Variants in GPRC5B observed in about 807,000 individuals in gnomAD.
GPRC5B encodes G protein-coupled receptor class C group 5 member B, also known as G protein-coupled receptor family C group 5 member B.
A neutral mutation model predicts 30.1 loss-of-function variants in GPRC5B; 16 were observed. That is an observed-to-expected ratio of 0.53 (90% confidence interval 0.36 to 0.81). GPRC5B has a LOEUF of 0.81. GPRC5B is among the 30% of genes least tolerant of loss of function. GPRC5B has a pLI of 0.01. For synonymous variants in GPRC5B, 241 were observed against 239.5 expected, an observed-to-expected ratio of 1.01 and a Z score of -0.06; for missense variants, 428 against 544.7, an observed-to-expected ratio of 0.79 and a Z score of 2.13.
intron 1 of GPRC5B, among the ~76,000 whole-genome samples, chr16:19,875,389 A>T (rs1040361093): frequency 1.3e-5 from 2 of 152,250 alleles, no homozygotes; most frequent in African/African-American, 4.8e-5. Context: ...TGCTTTGTCC[A>T]CACACCACCT....
chr16:19,874,359 C>T (rs1238833766), intron 1 of GPRC5B, among the ~76,000 whole-genome samples: 3 of 152,190 alleles, frequency 2.0e-5, no homozygotes, highest in African/African-American at 7.2e-5. Context: ...TCAACTCAGA[C>T]TTGGCCAAGG....
chr16:19,872,782 C>T lies in GPRC5B; in HGVS notation c.64G>A (p.Val22Met), dbSNP rs147306255. The T allele has an allele frequency of 1.7e-5, 27 of 1,613,670 alleles. No homozygotes were observed. The highest frequency in any genetic ancestry group is 4.0e-5 in the African/African-American group (3 of 74,912). Residue 22 changes from valine to methionine, a missense_variant, in exon 2 of 4, where the codon GTG becomes ATG. Physicochemically the swap from Val to Met is conservative, Grantham distance 21. Coordinates refer to ENST00000300571, the MANE Select transcript of GPRC5B (RefSeq NM_016235.3). The surrounding 1 kb of genome is among the most constrained non-coding windows in gnomAD (Gnocchi z 5.0). Reference sequence around the variant, plus strand: ...TTTTCAGAGGCCACCGAGGTGATCACGAAGAGCAGGAGGAAGGTGAGCACC... The same window carrying T: ...TTTTCAGAGGCCACCGAGGTGATCATGAAGAGCAGGAGGAAGGTGAGCACC... ...HQVLTFLLLF[V>M]ITSVASENAS...
chr16:19,868,103 G>C (rs1057388314), intron 2 of GPRC5B, among the ~76,000 whole-genome samples: 3 of 151,410 alleles, frequency 2.0e-5, no homozygotes, highest in Non-Finnish European at 4.4e-5. Flanking sequence ...GGCTGGGTGC[G>C]GTGGCTCATG....
At chr16:19,875,140 C>T (rs2056751217) in intron 1 of GPRC5B, among the ~76,000 whole-genome samples, 1 of 152,202 alleles carries the variant, frequency 6.6e-6, no homozygotes. Context: ...TTTCCAGTGG[C>T]ATAAATTATT....
Position 19,872,910 on chromosome 16 carries a change from CT to C in GPRC5B, c.-1-65del. 8.5e-7 allele frequency: 1 copy of C among 1,180,700 alleles called. No individual in the cohort carries two copies. The highest frequency in any genetic ancestry group is 1.2e-6 in the Non-Finnish European group (1 of 816,282). The allele number at this position is 1,180,700 out of a possible 1,614,324, so 73.1% of individuals were successfully genotyped here. A position where few individuals can be genotyped will look rare whatever the true frequency, so the allele number is the denominator to read the frequency against. On this transcript the variant is annotated intron_variant, in intron 1 of 3. Coordinates refer to ENST00000300571, the MANE Select transcript of GPRC5B (RefSeq NM_016235.3). The surrounding 1 kb of genome is among the most constrained non-coding windows in gnomAD (Gnocchi z 5.0). ...AGATGAATTCATTGGAAGACTCCCC[CT>C]CTCCTGACTTCTTGAAGAAGACTCG... is the stretch of plus-strand genomic sequence containing the variant.
intron 1 of GPRC5B, 47 bp downstream of exon 1, chr16:19,884,680 G>A (rs2056837179): frequency 1.0e-6 from 1 of 984,482 alleles, no homozygotes; most frequent in Admixed American, 6.2e-5. Flanking sequence ...AAAAGTTTCT[G>A]GGGTCCCCAC....
At chr16:19,862,322 C>T (rs2056632446) in intron 2 of GPRC5B, 1 of 269,572 alleles carries the variant, frequency 3.7e-6, no homozygotes, top group Admixed American at 5.0e-5. Context: ...AGTTCAGCAT[C>T]ACACTACTCA....
At chr16:19,863,600 C>T (rs1474248181) in intron 2 of GPRC5B, among the ~76,000 whole-genome samples, 1 of 150,196 alleles carries the variant, frequency 6.7e-6, no homozygotes, top group African/African-American at 2.5e-5. Context: ...CAGATTCCAG[C>T]GATTCTCCTG....
intron 2 of GPRC5B, among the ~76,000 whole-genome samples, chr16:19,868,304 C>T (rs750541006): frequency 5.3e-5 from 8 of 150,704 alleles, no homozygotes; most frequent in South Asian, 2.1e-4. Flanking sequence ...AACCTGGAGG[C>T]GGAGGTTGTG....
At position 19,858,880 on chromosome 16, in the gene GPRC5B, GCGGGT is replaced by G. The variant is rs2056596781; in HGVS notation, c.*1615_*1619del. ...ACTAACTGTTAAGGAAAACTCGAAG[GCGGGT>G]CACACAGGGAGGGCCAGATTGGCCT... On this transcript the variant is annotated 3_prime_UTR_variant, in exon 4 of 4. Coordinates refer to ENST00000300571, the MANE Select transcript of GPRC5B (RefSeq NM_016235.3). 4.3e-6 allele frequency: 1 copy of G among 232,060 alleles called. No homozygotes were observed. Among genetic ancestry groups the G allele is most frequent in the Non-Finnish European group, 8.3e-6 (1 of 120,784 alleles). The allele number at this position is 232,060 out of a possible 1,614,324, so 14.4% of individuals were successfully genotyped here.
intron 1 of GPRC5B, among the ~76,000 whole-genome samples, chr16:19,876,883 G>A (rs1218314492): frequency 2.6e-5 from 4 of 152,176 alleles, no homozygotes; most frequent in African/African-American, 4.8e-5. Flanking sequence ...GCTACCTTGC[G>A]TCTGAGCTCC....
At chr16:19,879,401 A>ATC (rs1008286603) in intron 1 of GPRC5B, among the ~76,000 whole-genome samples, 10 of 151,022 alleles carry the variant, frequency 6.6e-5, no homozygotes, top group South Asian at 4.2e-4. Flanking sequence ...AATATACTGC[A>ATC]TCTCTCTCTC....
Position 19,857,324 on chromosome 16 carries a change from G to C in GPRC5B, c.*3176C>G. 1 of 377,458 alleles carries C rather than the reference G, an allele frequency of 2.6e-6. No homozygotes were observed. The allele number at this position is 377,458 out of a possible 1,614,324, so 23.4% of individuals were successfully genotyped here. A position where few individuals can be genotyped will look rare whatever the true frequency, so the allele number is the denominator to read the frequency against. ...TAAATAGTAAAGCCTTTATTTTTGTGTTAAGAACAGCATTTTGAAAATAAA... is the reference window on the plus strand; with the variant it reads ...TAAATAGTAAAGCCTTTATTTTTGTCTTAAGAACAGCATTTTGAAAATAAA... On this transcript the variant is annotated 3_prime_UTR_variant, in exon 4 of 4. Transcript: ENST00000300571.
intron 1 of GPRC5B, among the ~76,000 whole-genome samples, chr16:19,881,435 G>C (rs552290539): frequency 2.4e-4 from 36 of 152,136 alleles, no homozygotes; most frequent in African/African-American, 8.4e-4. Context: ...GAAAAGTCAG[G>C]TTTGGTGCCC....
In GPRC5B at chr16:19,871,965, C is replaced by T. The variant is rs767103261; in HGVS notation, c.881G>A (p.Cys294Tyr). 12 of 1,613,998 alleles carry T rather than the reference C, an allele frequency of 7.4e-6. No individual in the cohort carries two copies. Reference protein sequence around the residue: ...VIFHAIPEIHCTLLPALQENT... With the variant: ...VIFHAIPEIHYTLLPALQENT... Reference sequence around the variant, plus strand: ...CTCCTGCAGGGCTGGCAGAAGGGTGCAGTGGATCTCAGGGATGGCGTGGAA... The same window carrying T: ...CTCCTGCAGGGCTGGCAGAAGGGTGTAGTGGATCTCAGGGATGGCGTGGAA... Residue 294 changes from cysteine to tyrosine, a missense_variant, in exon 2 of 4, where the codon TGC becomes TAC. Physicochemically the swap from Cys to Tyr is radical, Grantham distance 194 (BLOSUM62 -2). This residue lies in a region of GPRC5B where 213 missense variants were observed against 229.1 expected (regional missense o/e 0.93). Transcript: ENST00000300571.
intron 2 of GPRC5B, 85 bp downstream of exon 2, chr16:19,871,731 G>A (rs916747328): frequency 9.6e-6 from 12 of 1,251,122 alleles, no homozygotes; most frequent in Middle Eastern, 2.1e-4. Context: ...TACTGGGACC[G>A]CCCATCCCCA....
intron 3 of GPRC5B, among the ~76,000 whole-genome samples, chr16:19,860,894 T>C (rs892307549): frequency 2.6e-5 from 4 of 152,050 alleles, no homozygotes; most frequent in Admixed American, 6.6e-5. Flanking sequence ...GGCCGAATGC[T>C]TGTGAATCAG....
In GPRC5B at chr16:19,872,937, C is replaced by A. The variant is rs984237893; in HGVS notation, c.-1-91G>T. The A allele has an allele frequency of 1.1e-6, 1 of 936,730 alleles. No homozygotes were observed. The highest frequency in any genetic ancestry group is 2.4e-4 in the Middle Eastern group (1 of 4,174). 58.0% of individuals were successfully genotyped at this position (936,730 alleles called of 1,614,324 possible). A position where few individuals can be genotyped will look rare whatever the true frequency, so the allele number is the denominator to read the frequency against. ...CTCCTGACTTCTTGAAGAAGACTCGCCTCATTTCAAACCTGCAAGCGCACA... is the reference window on the plus strand; with the variant it reads ...CTCCTGACTTCTTGAAGAAGACTCGACTCATTTCAAACCTGCAAGCGCACA... On this transcript the variant is annotated intron_variant, in intron 1 of 3. Transcript: ENST00000300571. The surrounding 1 kb of genome is among the most constrained non-coding windows in gnomAD (Gnocchi z 5.0).
rs541130292 is a variant in GPRC5B, at chr16:19,860,520, T to C, written c.1192A>G (p.Thr398Ala). ...GTCTTTCACCAAAGGTGTCTTCCTG[T>C]GTGACTTGGCGGAGCAGTTGGGATC... ...GTIPTAPPSH[T>A]GRHLW The change falls in exon 4 of 4, where the codon ACA (threonine) becomes GCA (alanine). Residue 398 changes from threonine (T) to alanine (A), a missense_variant. Coordinates refer to ENST00000300571, the MANE Select transcript of GPRC5B (RefSeq NM_016235.3). 17 of 1,601,476 alleles carry C rather than the reference T, an allele frequency of 1.1e-5. No homozygotes were observed. The African/African-American group carries it at 1.7e-4, about 16-fold the overall frequency.
Sources: gnomAD v4.1 joint callset for allele counts (sites outside exome capture counted in the v4.1 genomes callset) on GRCh38, gnomAD v4.1.1 for gene constraint, gnomAD v4.1.1 regional missense constraint, Gnocchi (gnomAD v3.1) non-coding constraint, MANE v1.5 for transcripts, NCBI Gene and HGNC (gene_info 2026-07-23, HGNC 2026-07-21) for gene names.